L3MBTL4: variants seen among roughly 807,000 people sequenced by gnomAD.
L3MBTL4 encodes the protein L3MBTL histone methyl-lysine binding protein 4.
A neutral mutation model predicts 84.5 loss-of-function variants in L3MBTL4; 70 were observed. The ratio of observed to expected loss-of-function variants is 0.83; its 90% CI spans 0.68 to 1.01. L3MBTL4 has a LOEUF of 1.01. L3MBTL4 is among the 50% of genes least tolerant of loss of function. The pLI is 0.00. For synonymous variants in L3MBTL4, 274 were observed against 259.8 expected (o/e 1.05, Z -0.52); for missense variants, 715 against 754.8 (o/e 0.95, Z 0.62).
Position 6,402,771 on chromosome 18 carries a change from G to A in L3MBTL4, c.-91+12030C>T, listed in dbSNP as rs148574422. Among the ~76,000 whole-genome samples the A allele has an allele frequency of 5.2e-3, 793 of 152,210 alleles. 6 individuals carry two copies. The highest frequency in any genetic ancestry group is 0.018 in the African/African-American group (749 of 41,532). On this transcript the variant is annotated intron_variant, in intron 1 of 18. Coordinates refer to ENST00000317931, the MANE Select transcript of L3MBTL4 (RefSeq NM_001330559.2). Reference sequence around the variant, plus strand: ...GTTTTAGAAGAATTAAGATGATAACGTTTGAGAGTGTCAGAATTCTTACAG... The same window carrying A: ...GTTTTAGAAGAATTAAGATGATAACATTTGAGAGTGTCAGAATTCTTACAG...
intron 14 of L3MBTL4, among the ~76,000 whole-genome samples, chr18:6,120,262 C>CG (rs1434147462): frequency 6.6e-6 from 1 of 152,164 alleles, no homozygotes; most frequent in Admixed American, 6.5e-5. Context: ...CCCAGGGGCC[C>CG]GGGGCCTGCT....
At chr18:6,167,399 C>G (rs989989002) in intron 13 of L3MBTL4, among the ~76,000 whole-genome samples, 1 of 152,194 alleles carries the variant, frequency 6.6e-6, no homozygotes, top group African/African-American at 2.4e-5. Context: ...GACCAATATC[C>G]TTGATGAACA....
intron 16 of L3MBTL4, among the ~76,000 whole-genome samples, chr18:6,065,787 T>C (rs2057379385): frequency 6.6e-6 from 1 of 152,072 alleles, no homozygotes; most frequent in Non-Finnish European, 1.5e-5. Flanking sequence ...CAAATTTGTT[T>C]ATCTTTTCAA....
intron 13 of L3MBTL4, among the ~76,000 whole-genome samples, chr18:6,154,913 A>G (rs2043040584): frequency 6.6e-6 from 1 of 152,216 alleles, no homozygotes; most frequent in South Asian, 2.1e-4. Flanking sequence ...AAATAGGTCC[A>G]TTGACATGAA....
At chr18:6,384,092 T>C (rs954645010) in intron 1 of L3MBTL4, among the ~76,000 whole-genome samples, 5 of 152,180 alleles carry the variant, frequency 3.3e-5, no homozygotes, top group African/African-American at 1.2e-4. Flanking sequence ...CAACTACATC[T>C]GGGGACAGCT....
intron 1 of L3MBTL4, among the ~76,000 whole-genome samples, chr18:6,316,532 C>T (rs365381): frequency 0.19 from 28,247 of 152,130 alleles, 2,729 homozygotes; most frequent in Middle Eastern, 0.22. Flanking sequence ...ACAGCTGGGG[C>T]TTCTCCCACA....
At chr18:5,963,735 A>G (rs1325572305) in intron 17 of L3MBTL4, among the ~76,000 whole-genome samples, 1 of 152,266 alleles carries the variant, frequency 6.6e-6, no homozygotes, top group Non-Finnish European at 1.5e-5. Flanking sequence ...GAGCTTTCAT[A>G]GAAAGTTCTG....
intron 16 of L3MBTL4, among the ~76,000 whole-genome samples, chr18:6,038,645 T>C (rs2056261573): frequency 6.6e-6 from 1 of 152,000 alleles, no homozygotes; most frequent in South Asian, 2.1e-4. Flanking sequence ...TGTTAAGAAG[T>C]ATAGTGCAGC....
At chr18:6,098,423 G>A (rs75754932) in intron 14 of L3MBTL4, among the ~76,000 whole-genome samples, 1,880 of 152,244 alleles carry the variant, frequency 0.012, 41 homozygotes, top group African/African-American at 0.042. Context: ...TCTCTGTGAC[G>A]TGACATTTAA....
At chr18:6,060,090 A>G (rs561507537) in intron 16 of L3MBTL4, among the ~76,000 whole-genome samples, 12 of 152,328 alleles carry the variant, frequency 7.9e-5, no homozygotes, top group African/African-American at 2.9e-4. Flanking sequence ...ATGTTGTCTT[A>G]CAACTCTATT....
chr18:6,331,863 G>A (rs916536889), intron 1 of L3MBTL4, among the ~76,000 whole-genome samples: 4 of 151,198 alleles, frequency 2.6e-5, no homozygotes, highest in African/African-American at 7.3e-5. Flanking sequence ...AAGATCAAGC[G>A]CTAAAAAGTA....
At chr18:5,981,488 G>C (rs532006950) in intron 16 of L3MBTL4, among the ~76,000 whole-genome samples, 75 of 152,268 alleles carry the variant, frequency 4.9e-4, no homozygotes, top group Middle Eastern at 3.4e-3. Flanking sequence ...AAGGCTCTGT[G>C]CTCTTCGTTA....
intron 17 of L3MBTL4, among the ~76,000 whole-genome samples, chr18:5,963,405 T>G (rs996263396): frequency 6.6e-6 from 1 of 152,210 alleles, no homozygotes; most frequent in Non-Finnish European, 1.5e-5. Context: ...GAATAAATAA[T>G]GTGTTAAACC....
At chr18:6,268,348 A>G (rs746710901) in intron 4 of L3MBTL4, among the ~76,000 whole-genome samples, 1 of 152,238 alleles carries the variant, frequency 6.6e-6, no homozygotes, top group Non-Finnish European at 1.5e-5. Flanking sequence ...CAGAGATTGC[A>G]ATGAGCCGAG....
At chr18:6,010,426 C>T (rs1567979309) in intron 16 of L3MBTL4, among the ~76,000 whole-genome samples, 1 of 152,100 alleles carries the variant, frequency 6.6e-6, no homozygotes, top group Non-Finnish European at 1.5e-5. Context: ...TCAGTGATGA[C>T]TCAACTTATT....
At chr18:6,207,755 C>T (rs2145732334) in intron 12 of L3MBTL4, among the ~76,000 whole-genome samples, 1 of 152,162 alleles carries the variant, frequency 6.6e-6, no homozygotes, top group South Asian at 2.1e-4. Context: ...GCTCAAAGGA[C>T]ATATATTTTT....
At chr18:6,071,216 C>A (rs2057583018) in intron 16 of L3MBTL4, among the ~76,000 whole-genome samples, 1 of 151,192 alleles carries the variant, frequency 6.6e-6, no homozygotes, top group Non-Finnish European at 1.5e-5. Context: ...CATGGTGAAA[C>A]CCTGTCTCTA....
chr18:6,123,424 C>T (rs2059589011), intron 14 of L3MBTL4, among the ~76,000 whole-genome samples: 2 of 152,120 alleles, frequency 1.3e-5, no homozygotes, highest in Non-Finnish European at 2.9e-5. Context: ...GGGGCAGGTC[C>T]TTTCTGTGCT....
intron 13 of L3MBTL4, among the ~76,000 whole-genome samples, chr18:6,146,417 G>A (rs1448252046): frequency 6.6e-6 from 1 of 152,188 alleles, no homozygotes; most frequent in Non-Finnish European, 1.5e-5. Flanking sequence ...GAGCGAGGCG[G>A]CTGAGAGCGA....
Sources: allele counts gnomAD v4.1 joint callset (sites outside exome capture counted in the v4.1 genomes callset), GRCh38; gene constraint gnomAD v4.1.1; transcripts MANE v1.5; gene names NCBI Gene and HGNC (gene_info 2026-07-23, HGNC 2026-07-21).